Variants in DAB1 observed in about 807,000 individuals in gnomAD.
DAB1 encodes the protein DAB adaptor protein 1.
In DAB1, 15 loss-of-function variants were observed where a neutral mutation model predicts 64.6. That is an observed-to-expected ratio of 0.23 (90% confidence interval 0.16 to 0.36). The LOEUF (loss-of-function observed/expected upper bound fraction) is 0.36. DAB1 is among the 10% of genes least tolerant of loss of function. DAB1 has a pLI of 1.00. For synonymous variants in DAB1, 235 were observed against 251.9 expected (o/e 0.93, Z 0.64); for missense variants, 596 against 706.7 (o/e 0.84, Z 1.78).
chr1:57,182,800 T>A (rs1336933679), intron 2 of DAB1, among the ~76,000 whole-genome samples: 1 of 152,092 alleles, frequency 6.6e-6, no homozygotes, highest in Non-Finnish European at 1.5e-5. Context: ...GAGAGAACCT[T>A]GAGCCCAGGT....
At chr1:58,070,273 A>G (rs1206989709) in intron 5 of DAB1, among the ~76,000 whole-genome samples, 4 of 152,188 alleles carry the variant, frequency 2.6e-5, no homozygotes, top group Non-Finnish European at 5.9e-5. Context: ...AATCCCAAAT[A>G]TTGGTTCAGA....
intron 9 of DAB1, among the ~76,000 whole-genome samples, chr1:57,030,092 CA>C (rs891449978): frequency 2.0e-5 from 3 of 152,118 alleles, no homozygotes; most frequent in African/African-American, 7.2e-5. Context: ...GGGAGGGACC[CA>C]GGGGGAGTTA....
intron 4 of DAB1, among the ~76,000 whole-genome samples, chr1:58,184,460 T>C (rs1443807412): frequency 6.6e-6 from 1 of 152,042 alleles, no homozygotes; most frequent in Non-Finnish European, 1.5e-5. Flanking sequence ...CTGCCTCCTA[T>C]TCAATTTTCT....
At chr1:57,519,197 C>T (rs572010511) in intron 7 of DAB1, among the ~76,000 whole-genome samples, 20 of 152,230 alleles carry the variant, frequency 1.3e-4, no homozygotes, top group African/African-American at 4.8e-4. Flanking sequence ...TGAATTAATT[C>T]CTTTACTCCT....
chr1:58,144,814 G>A (rs1654501101), intron 5 of DAB1, among the ~76,000 whole-genome samples: 1 of 152,184 alleles, frequency 6.6e-6, no homozygotes, highest in African/African-American at 2.4e-5. Context: ...GTGCCATGCA[G>A]CCTGGGCATA....
intron 7 of DAB1, among the ~76,000 whole-genome samples, chr1:57,569,249 T>C (rs1570636416): frequency 2.0e-5 from 1 of 50,144 alleles, no homozygotes; most frequent in Admixed American, 2.6e-4. Flanking sequence ...ACAGCGAGAC[T>C]CCGTCTCAAA....
intron 1 of DAB1, among the ~76,000 whole-genome samples, chr1:57,859,539 GT>G (rs1161111349): frequency 1.3e-5 from 2 of 152,168 alleles, no homozygotes; most frequent in Non-Finnish European, 2.9e-5. Context: ...GAGCTAGAAA[GT>G]GGTAGACCAG....
At chr1:57,663,299 C>T (rs1646408863) in intron 6 of DAB1, among the ~76,000 whole-genome samples, 1 of 152,096 alleles carries the variant, frequency 6.6e-6, no homozygotes, top group South Asian at 2.1e-4. Context: ...CAATCACCTC[C>T]TACCAGGCCC....
At chr1:57,006,458 A>G (rs1259142741) in intron 14 of DAB1, among the ~76,000 whole-genome samples, 1 of 152,076 alleles carries the variant, frequency 6.6e-6, no homozygotes, top group Non-Finnish European at 1.5e-5. Flanking sequence ...CTCACCTCCC[A>G]TGTCTCTTCG....
chr1:57,344,599 C>T (rs367640998), intron 1 of DAB1, among the ~76,000 whole-genome samples: 81 of 151,968 alleles, frequency 5.3e-4, no homozygotes, highest in African/African-American at 1.9e-3. Context: ...TGAATCGAGG[C>T]GAAGGTTATA....
Position 58,462,283 on chromosome 1 carries a change from C to T in DAB1, n.257+43777G>A, listed in dbSNP as rs543613022. On this transcript the variant is annotated intron_variant and non_coding_transcript_variant, in intron 3 of 20. Coordinates refer to the DAB1 transcript ENST00000485760. ...CTGGGACTACAGGCGCCCGCCACCG[C>T]GCCCGGCTAATTTTTTGTATTTTTA... is the stretch of plus-strand genomic sequence containing the variant. 6.4e-3 allele frequency among the ~76,000 whole-genome samples: 974 copies of T among 152,006 alleles called. 8 individuals carry two copies. The highest frequency in any genetic ancestry group is 0.017 in the Middle Eastern group (5 of 294).
chr1:58,340,436 T>A (rs79334112), intron 4 of DAB1, among the ~76,000 whole-genome samples: 17,842 of 152,206 alleles, frequency 0.12, 1,168 homozygotes, highest in East Asian at 0.18. Context: ...TCTACCTCCT[T>A]TACTCACTCC....
At chr1:57,206,968 CTTTTTTTTT>C (rs201111039) in intron 2 of DAB1, among the ~76,000 whole-genome samples, 3 of 84,476 alleles carry the variant, frequency 3.6e-5, no homozygotes, top group African/African-American at 9.8e-5. Context: ...TCCTTCCTTC[CTTTTTTTTT>C]TTTTTTTTTT....
rs559998993 is a variant in DAB1 at position 57,532,443 on chromosome 1, T to C, written n.625+117149A>G. The stretch of plus-strand genomic sequence containing the variant: ...TTGTGATCTGGCATTTTTCACACTA[T>C]ACTCTAATTTGGTTTATCTTTCCCA... On this transcript the variant is annotated intron_variant and non_coding_transcript_variant, in intron 7 of 20. Transcript: ENST00000485760. Among the ~76,000 whole-genome samples, 298 of 152,322 alleles carry C rather than the reference T, an allele frequency of 2.0e-3. 2 individuals carry two copies. Among genetic ancestry groups the C allele is most frequent in the Middle Eastern group, 3.4e-3 (1 of 294 alleles).
At chr1:57,119,144 C>A (rs545909938) in intron 4 of DAB1, among the ~76,000 whole-genome samples, 2 of 152,182 alleles carry the variant, frequency 1.3e-5, no homozygotes, top group African/African-American at 2.4e-5. Context: ...TTCTCTTCAA[C>A]TATTTACATA....
At chr1:57,559,559 C>G (rs1645027931) in intron 7 of DAB1, among the ~76,000 whole-genome samples, 1 of 152,096 alleles carries the variant, frequency 6.6e-6, no homozygotes, top group Non-Finnish European at 1.5e-5. Context: ...CCAGGGGACC[C>G]AAAACATCAT....
At chr1:58,060,880 G>A (rs1160129602) in intron 5 of DAB1, among the ~76,000 whole-genome samples, 3 of 152,198 alleles carry the variant, frequency 2.0e-5, no homozygotes, top group Non-Finnish European at 2.9e-5. Context: ...CTGGTTCCTC[G>A]GCAGGGGAAT....
intron 13 of DAB1, 44 bp from the exon 14 acceptor site, chr1:57,010,834 A>G: frequency 7.1e-7 from 1 of 1,417,126 alleles, no homozygotes. Context: ...TCTCTTTTCA[A>G]GCATTGAAAA....
At chr1:57,005,714 A>T (rs1646042281) in intron 14 of DAB1, among the ~76,000 whole-genome samples, 3 of 152,150 alleles carry the variant, frequency 2.0e-5, no homozygotes, top group Non-Finnish European at 2.9e-5. Flanking sequence ...ATTCTGTTTG[A>T]GTGTGTTTGA....
Sources: allele counts gnomAD v4.1 joint callset (sites outside exome capture counted in the v4.1 genomes callset), GRCh38; gene constraint gnomAD v4.1.1; transcripts MANE v1.5; gene names NCBI Gene and HGNC (gene_info 2026-07-23, HGNC 2026-07-21).